The following CNTLN variants were observed in gnomAD, a reference collection of about 807,000 sequenced individuals.
CNTLN encodes centlein, centrosomal protein.
Under a neutral mutation model 180.0 loss-of-function variants are expected in CNTLN, and 212 were observed. The observed-to-expected ratio is 1.18, with a 90% CI of 1.05 to 1.32. The LOEUF is 1.32. CNTLN is among the 40% of genes most tolerant of loss of function. The pLI is 0.00. For synonymous variants in CNTLN, 722 were observed against 563.1 expected, an observed-to-expected ratio of 1.28 and a Z score of -3.99; for missense variants, 2,095 against 1,610.9, an observed-to-expected ratio of 1.30 and a Z score of -5.14.
intron 11 of CNTLN, among the ~76,000 whole-genome samples, chr9:17,341,924 G>GT (rs961026895): frequency 3.9e-5 from 6 of 152,090 alleles, no homozygotes; most frequent in Middle Eastern, 3.2e-3. Context: ...ACTGGTAATA[G>GT]TTTTTTTAAA....
At chr9:17,380,964 C>A (rs7028577) in intron 13 of CNTLN, among the ~76,000 whole-genome samples, 1 of 152,062 alleles carries the variant, frequency 6.6e-6, no homozygotes, top group Non-Finnish European at 1.5e-5. Context: ...CTTCTTTTGC[C>A]TATGTTTGGA....
chr9:17,239,760 T>A (rs948543436), intron 5 of CNTLN, among the ~76,000 whole-genome samples: 9 of 152,304 alleles, frequency 5.9e-5, no homozygotes, highest in African/African-American at 1.9e-4. Flanking sequence ...GATACCATTA[T>A]TGAATATCAG....
the CNTLN span, among the ~76,000 whole-genome samples, chr9:17,522,377 A>G: frequency 6.6e-6 from 1 of 152,188 alleles, no homozygotes; most frequent in Non-Finnish European, 1.5e-5. Context: ...TAACTTGCCC[A>G]AGATTCCACA....
the CNTLN span, among the ~76,000 whole-genome samples, chr9:17,525,485 T>C: frequency 6.6e-6 from 1 of 152,218 alleles, no homozygotes; most frequent in East Asian, 1.9e-4. Context: ...ATAAAAATGT[T>C]GTTAGCATAA....
chr9:17,326,863 T>G (rs1820328317), intron 8 of CNTLN, among the ~76,000 whole-genome samples: 1 of 152,090 alleles, frequency 6.6e-6, no homozygotes, highest in Admixed American at 6.5e-5. Context: ...AAGGAAGGTC[T>G]GAGAAAACAG....
At chr9:17,396,256 T>A (rs1003231410) in intron 15 of CNTLN, among the ~76,000 whole-genome samples, 4 of 152,212 alleles carry the variant, frequency 2.6e-5, no homozygotes, top group African/African-American at 9.6e-5. Flanking sequence ...TTTACTTTCT[T>A]AAAAAACCTG....
At chr9:17,367,401 T>TAAAAA (rs71331487) in intron 13 of CNTLN, among the ~76,000 whole-genome samples, 12 of 151,522 alleles carry the variant, frequency 7.9e-5, no homozygotes, top group African/African-American at 2.7e-4. Flanking sequence ...TATATAAACT[T>TAAAAA]AAAAGACTGT....
chr9:17,485,790 A>T (rs2254722), intron 24 of CNTLN, among the ~76,000 whole-genome samples: 6,781 of 152,172 alleles, frequency 0.045, 191 homozygotes, highest in Middle Eastern at 0.11. Context: ...TTTTGAGACC[A>T]AGTAATCTCT....
rs559804103 is a variant in CNTLN, at chr9:17,459,276, T to C, written c.3306+1561T>C. 1.3e-3 allele frequency among the ~76,000 whole-genome samples: 199 copies of C among 152,034 alleles called. 1 individual carries two copies. Among genetic ancestry groups the C allele is most frequent in the Middle Eastern group, 3.4e-3 (1 of 294 alleles). Reference sequence around the variant, plus strand: ...AATAATAGATCCATATGAGTGTCTGTAAGTTCTTTGCATTATGGTTTTCCA... The same window carrying C: ...AATAATAGATCCATATGAGTGTCTGCAAGTTCTTTGCATTATGGTTTTCCA... On this transcript the variant is annotated intron_variant, in intron 19 of 25. Transcript: ENST00000380647.
intron 2 of CNTLN, among the ~76,000 whole-genome samples, chr9:17,174,974 C>T (rs1226871877): frequency 6.6e-6 from 1 of 152,108 alleles, no homozygotes; most frequent in East Asian, 1.9e-4. Flanking sequence ...GTCTTTTGCC[C>T]ATTTCCTATT....
At chr9:17,471,057 C>T (rs1373301219) in intron 23 of CNTLN, among the ~76,000 whole-genome samples, 1 of 152,020 alleles carries the variant, frequency 6.6e-6, no homozygotes, top group Non-Finnish European at 1.5e-5. Flanking sequence ...AAGGAAATGA[C>T]AGCTGTGTTT....
chr9:17,144,476 G>C (rs748387983), intron 2 of CNTLN, among the ~76,000 whole-genome samples: 37 of 152,054 alleles, frequency 2.4e-4, no homozygotes, highest in African/African-American at 8.7e-4. Flanking sequence ...TCATTTCCGT[G>C]ATTCTTTATT....
At chr9:17,369,067 C>A (rs538485248) in intron 13 of CNTLN, among the ~76,000 whole-genome samples, 2 of 152,254 alleles carry the variant, frequency 1.3e-5, no homozygotes, top group Admixed American at 1.3e-4. Flanking sequence ...GAATTATAAT[C>A]CCCATAATCT....
chr9:17,514,697 C>T, the CNTLN span, among the ~76,000 whole-genome samples: 67 of 152,196 alleles, frequency 4.4e-4, no homozygotes, highest in East Asian at 0.011. Flanking sequence ...AAGGGAAGCC[C>T]GGCCTAGATC....
At chr9:17,215,429 G>A (rs1167217829) in intron 2 of CNTLN, among the ~76,000 whole-genome samples, 1 of 152,192 alleles carries the variant, frequency 6.6e-6, no homozygotes, top group Non-Finnish European at 1.5e-5. Context: ...TCTCAGAGGA[G>A]TACCCAGACA....
chr9:17,192,232 C>A (rs1020740709), intron 2 of CNTLN, among the ~76,000 whole-genome samples: 9 of 150,828 alleles, frequency 6.0e-5, no homozygotes, highest in Non-Finnish European at 1.3e-4. Flanking sequence ...CTGAGGTAGG[C>A]CCTATTCTTT....
intron 18 of CNTLN, among the ~76,000 whole-genome samples, chr9:17,432,551 AC>A (rs1234034353): frequency 1.3e-5 from 2 of 152,114 alleles, no homozygotes; most frequent in African/African-American, 2.4e-5. Flanking sequence ...ATTAATTAGG[AC>A]TCCTGAAGGA....
intron 6 of CNTLN, among the ~76,000 whole-genome samples, chr9:17,292,810 C>G (rs1206576553): frequency 2.0e-5 from 3 of 151,826 alleles, no homozygotes; most frequent in Non-Finnish European, 4.4e-5. Context: ...GTCAGTTCAT[C>G]CATCTCCACC....
At chr9:17,485,786 G>A (rs1170132118) in intron 24 of CNTLN, among the ~76,000 whole-genome samples, 1 of 152,026 alleles carries the variant, frequency 6.6e-6, no homozygotes, top group African/African-American at 2.4e-5. Context: ...TGTTTTTTGA[G>A]ACCAAGTAAT....
Sources: allele counts gnomAD v4.1 joint callset (sites outside exome capture counted in the v4.1 genomes callset), GRCh38; gene constraint gnomAD v4.1.1; transcripts MANE v1.5; gene names NCBI Gene and HGNC (gene_info 2026-07-23, HGNC 2026-07-21).